The following TMEM71 variants were observed in gnomAD, a reference collection of about 807,000 sequenced individuals.
TMEM71 encodes the protein transmembrane protein 71.
In TMEM71, 44 loss-of-function variants were observed where a neutral mutation model predicts 38.0. The observed-to-expected ratio is 1.16, with a 90% CI of 0.91 to 1.49. The LOEUF is 1.49. TMEM71 is among the 40% of genes most tolerant of loss of function. TMEM71 has a pLI of 0.00. For synonymous variants in TMEM71, 133 were observed against 122.5 expected (o/e 1.09, Z -0.56); for missense variants, 367 against 348.6 (o/e 1.05, Z -0.42).
At chr8:132,721,742 G>T (rs900459697) in intron 7 of TMEM71, among the ~76,000 whole-genome samples, 2 of 151,748 alleles carry the variant, frequency 1.3e-5, no homozygotes, top group Non-Finnish European at 2.9e-5. Flanking sequence ...CACCATGTTG[G>T]TCAGGCTGGT....
chr8:132,739,192 C>T (rs1304624294), intron 5 of TMEM71, among the ~76,000 whole-genome samples: 2 of 152,222 alleles, frequency 1.3e-5, no homozygotes, highest in African/African-American at 2.4e-5. Flanking sequence ...TCGGCCTGCA[C>T]TATGAGGGAC....
In TMEM71 at chr8:132,751,633, C is replaced by G. The variant is rs1371067081; in HGVS notation, c.314+152G>C. 11 of 686,166 alleles carry G rather than the reference C, an allele frequency of 1.6e-5. No individual in the cohort carries two copies. The East Asian group carries it at 2.7e-4, about 17-fold the overall frequency. 42.5% of individuals were successfully genotyped at this position (686,166 alleles called of 1,614,324 possible). ...GAACAAAATTAATGGATGGATTGAC[C>G]TGTTGACAGGTCCCCTCTTACCCTT... On this transcript the variant is annotated intron_variant, in intron 4 of 9. Transcript: ENST00000677595.
intron 5 of TMEM71, among the ~76,000 whole-genome samples, chr8:132,730,725 T>C (rs750388700): frequency 6.6e-5 from 10 of 152,234 alleles, no homozygotes; most frequent in Non-Finnish European, 1.3e-4. Flanking sequence ...ATTACTTCTA[T>C]GGTCCATCTA....
At chr8:132,747,341 G>A (rs1162495072) in intron 4 of TMEM71, among the ~76,000 whole-genome samples, 1 of 152,176 alleles carries the variant, frequency 6.6e-6, no homozygotes, top group African/African-American at 2.4e-5. Flanking sequence ...TATTATAGGA[G>A]AAAGAAAGAA....
chr8:132,722,648 T>C (rs1826920589), intron 6 of TMEM71, among the ~76,000 whole-genome samples: 1 of 152,184 alleles, frequency 6.6e-6, no homozygotes, highest in African/African-American at 2.4e-5. Flanking sequence ...CAGCCAAGAT[T>C]TAAAAACCAC....
chr8:132,708,357 T>G (rs79431663), downstream of TMEM71, among the ~76,000 whole-genome samples: 3,831 of 152,342 alleles, frequency 0.025, 80 homozygotes, highest in Middle Eastern at 0.061. Context: ...AGCAACCATC[T>G]GGCTGGAGCC....
At position 132,758,902 on chromosome 8, in the gene TMEM71, A is replaced by G; in HGVS notation, c.-23T>C. The G allele has an allele frequency of 6.2e-7, 1 of 1,611,444 alleles. No homozygotes were observed. The highest frequency in any genetic ancestry group is 8.5e-7 in the Non-Finnish European group (1 of 1,177,744). On this transcript the variant is annotated 5_prime_UTR_variant, in exon 2 of 10. Coordinates refer to ENST00000677595, the MANE Select transcript of TMEM71 (RefSeq NM_001382403.1). ...CATCTTGGGAAGGCCGCTTGCTCAA[A>G]CTTCACAGATTCTCTGCAAAAGATG...
At chr8:132,769,701 A>G in the TMEM71 span, among the ~76,000 whole-genome samples, 1 of 152,234 alleles carries the variant, frequency 6.6e-6, no homozygotes, top group African/African-American at 2.4e-5. Context: ...ACTGCAAACC[A>G]GGAAGAATCC....
downstream of TMEM71, among the ~76,000 whole-genome samples, chr8:132,707,498 G>T (rs1826111138): frequency 1.3e-5 from 2 of 152,188 alleles, no homozygotes; most frequent in Admixed American, 1.3e-4. Flanking sequence ...CCTCATGAAT[G>T]AATTAATGTT....
chr8:132,725,574 A>T (rs1827098815), intron 6 of TMEM71, among the ~76,000 whole-genome samples: 1 of 152,230 alleles, frequency 6.6e-6, no homozygotes, highest in Non-Finnish European at 1.5e-5. Context: ...CAACTGATGT[A>T]TCTGCCTATA....
At chr8:132,747,706 T>C in intron 4 of TMEM71, among the ~76,000 whole-genome samples, 1 of 152,228 alleles carries the variant, frequency 6.6e-6, no homozygotes, top group East Asian at 1.9e-4. Context: ...AAGGGAGTTT[T>C]TCTGGGAGAA....
chr8:132,745,969 A>G (rs1296141682), intron 5 of TMEM71, among the ~76,000 whole-genome samples: 1 of 148,202 alleles, frequency 6.7e-6, no homozygotes, highest in Non-Finnish European at 1.5e-5. Flanking sequence ...TAAACAGTGG[A>G]TATTCATGAA....
rs185411685 is a variant in TMEM71 at position 132,745,360 on chromosome 8, G to A, written c.487+1582C>T. ...AACCAAATAATCCCATATAAAAATG[G>A]GCAAAAGATTTGAACAGACACTTCA... On this transcript the variant is annotated intron_variant, in intron 5 of 9. Transcript: ENST00000677595. Among the ~76,000 whole-genome samples, 29 of 152,088 alleles carry A rather than the reference G, an allele frequency of 1.9e-4. No homozygotes were observed. The East Asian group carries it at 5.6e-3, about 29-fold the overall frequency.
chr8:132,765,654 G>A (rs568981441), upstream of TMEM71, among the ~76,000 whole-genome samples: 36 of 152,144 alleles, frequency 2.4e-4, no homozygotes, highest in Admixed American at 1.3e-3. Context: ...AACTGAGCTC[G>A]CTTACCAGTG....
chr8:132,760,885 G>T (rs1226981280), upstream of TMEM71, among the ~76,000 whole-genome samples: 2 of 152,188 alleles, frequency 1.3e-5, no homozygotes, highest in Non-Finnish European at 2.9e-5. Context: ...GACATTTCTT[G>T]CTCATCATAT....
At chr8:132,709,292 T>C (rs2130983118), downstream of TMEM71, among the ~76,000 whole-genome samples, 1 of 152,344 alleles carries the variant, frequency 6.6e-6, no homozygotes, top group South Asian at 2.1e-4. Context: ...ACGTGGATTG[T>C]GGATCACTTT....
chr8:132,768,163 C>A, the TMEM71 span, among the ~76,000 whole-genome samples: 1 of 152,150 alleles, frequency 6.6e-6, no homozygotes, highest in Non-Finnish European at 1.5e-5. Flanking sequence ...TGGAATAGTT[C>A]ATGTCCAGGT....
upstream of TMEM71, among the ~76,000 whole-genome samples, chr8:132,760,870 G>A (rs540245602): frequency 5.3e-5 from 8 of 152,290 alleles, no homozygotes; most frequent in African/African-American, 9.6e-5. Context: ...AAGACTCAGC[G>A]AACTGACATT....
chr8:132,763,678 A>G (rs1829330089), upstream of TMEM71, among the ~76,000 whole-genome samples: 1 of 152,214 alleles, frequency 6.6e-6, no homozygotes, highest in Non-Finnish European at 1.5e-5. Context: ...TGCCTTGAGA[A>G]TCTTTTGGTC....
Sources: gnomAD v4.1 joint callset for allele counts (sites outside exome capture counted in the v4.1 genomes callset) on GRCh38, gnomAD v4.1.1 for gene constraint, MANE v1.5 for transcripts, NCBI Gene and HGNC (gene_info 2026-07-23, HGNC 2026-07-21) for gene names.